CTNNA3: variants seen among roughly 807,000 people sequenced by gnomAD.
CTNNA3 encodes the protein catenin alpha-3.
CTNNA3 carries 76 observed loss-of-function variants against 95.7 expected under a neutral mutation model. That is an observed-to-expected ratio of 0.79 (90% CI 0.66 to 0.96). CTNNA3 has a LOEUF of 0.96. CTNNA3 is among the 40% of genes least tolerant of loss of function. The pLI, the probability that CTNNA3 is intolerant of heterozygous loss-of-function variation, is 0.00. For synonymous variants in CTNNA3, 431 were observed against 374.4 expected, an observed-to-expected ratio of 1.15 and a Z score of -1.74; for missense variants, 1,191 against 1,089.8, an observed-to-expected ratio of 1.09 and a Z score of -1.31.
rs1165436456 is a variant in CTNNA3, at chr10:65,915,648, A to G, written c.*4682T>C. 6.6e-6 allele frequency: 1 copy of G among 152,150 alleles called. No individual in the cohort carries two copies. Among genetic ancestry groups the G allele is most frequent in the Non-Finnish European group, 1.5e-5 (1 of 68,034 alleles). 9.4% of individuals were successfully genotyped at this position (152,150 alleles called of 1,614,324 possible). A position where few individuals can be genotyped will look rare whatever the true frequency, so the allele number is the denominator to read the frequency against. ...GAATAAAACTTATGGTCGGCCCCAC[A>G]GCCCATCTCTTGCCTGCGGATGGGA... is the stretch of plus-strand genomic sequence containing the variant. On this transcript the variant is annotated 3_prime_UTR_variant, in exon 18 of 18. Transcript: ENST00000433211.
intron 12 of CTNNA3, among the ~76,000 whole-genome samples, chr10:66,343,982 T>C (rs1173769564): frequency 6.6e-6 from 1 of 151,764 alleles, no homozygotes; most frequent in African/African-American, 2.4e-5. Flanking sequence ...ATCTGAGCAC[T>C]TTGGGAGGGT....
intron 11 of CTNNA3, among the ~76,000 whole-genome samples, chr10:66,383,318 A>T (rs1348809270): frequency 1.6e-4 from 25 of 152,230 alleles, no homozygotes; most frequent in Admixed American, 1.6e-3. Flanking sequence ...TCAATAGCAG[A>T]TTCGATCAAG....
At chr10:67,208,071 C>T (rs1165883006) in intron 6 of CTNNA3, among the ~76,000 whole-genome samples, 2 of 152,064 alleles carry the variant, frequency 1.3e-5, no homozygotes, top group Non-Finnish European at 2.9e-5. Context: ...AAATGTTTAT[C>T]ATAGCTATAA....
intron 7 of CTNNA3, among the ~76,000 whole-genome samples, chr10:67,169,871 C>T (rs1324658299): frequency 6.6e-6 from 1 of 152,014 alleles, no homozygotes; most frequent in East Asian, 1.9e-4. Context: ...ATGCATCTGA[C>T]AAAGGTCTGA....
intron 12 of CTNNA3, among the ~76,000 whole-genome samples, chr10:66,346,440 G>A (rs34451190): frequency 0.16 from 24,659 of 151,376 alleles, 2,266 homozygotes; most frequent in South Asian, 0.31. Context: ...CACCATGCTC[G>A]GCTAAGTTTT....
At chr10:66,443,653 C>G (rs1195482409) in intron 11 of CTNNA3, among the ~76,000 whole-genome samples, 2 of 151,540 alleles carry the variant, frequency 1.3e-5, no homozygotes, top group Non-Finnish European at 3.0e-5. Flanking sequence ...GAAAGGACAT[C>G]CACACCAAAA....
intron 15 of CTNNA3, among the ~76,000 whole-genome samples, chr10:66,024,142 T>G (rs2079287839): frequency 7.0e-6 from 1 of 143,490 alleles, no homozygotes; most frequent in Non-Finnish European, 1.5e-5. Flanking sequence ...CAGGCTGGAG[T>G]GCAGCGGCAC....
intron 1 of CTNNA3, among the ~76,000 whole-genome samples, chr10:67,712,497 C>T (rs539557700): frequency 5.3e-5 from 8 of 152,312 alleles, no homozygotes; most frequent in South Asian, 2.1e-4. Context: ...CTGTGTGCAG[C>T]CTAGGGACTT....
intron 1 of CTNNA3, among the ~76,000 whole-genome samples, chr10:67,704,861 T>C (rs1841068004): frequency 6.6e-6 from 1 of 151,486 alleles, no homozygotes; most frequent in African/African-American, 2.4e-5. Flanking sequence ...TGGGAGAAAA[T>C]TTTCGCAACC....
In CTNNA3 at chr10:67,063,571, A is replaced by G. The variant is rs149183051; in HGVS notation, c.1047+116746T>C. On this transcript the variant is annotated intron_variant, in intron 7 of 17. Coordinates refer to ENST00000433211, the MANE Select transcript of CTNNA3 (RefSeq NM_013266.4). ...CACTGTCAGATATGAAGTGGCTCCA[A>G]TGAAAGGTTGGGACCAGTGAATATC... is the stretch of plus-strand genomic sequence containing the variant. Among the ~76,000 whole-genome samples the G allele has an allele frequency of 1.8e-3, 269 of 152,354 alleles. 1 individual carries two copies. Among genetic ancestry groups the G allele is most frequent in the South Asian group, 6.2e-3 (30 of 4,824 alleles).
At chr10:66,176,357 T>C (rs1356855121) in intron 13 of CTNNA3, among the ~76,000 whole-genome samples, 2 of 152,146 alleles carry the variant, frequency 1.3e-5, no homozygotes, top group Non-Finnish European at 2.9e-5. Flanking sequence ...TCTGACCTTA[T>C]GTATTTGAAA....
intron 13 of CTNNA3, among the ~76,000 whole-genome samples, chr10:66,154,421 C>T (rs938114550): frequency 6.6e-6 from 1 of 151,608 alleles, no homozygotes; most frequent in Non-Finnish European, 1.5e-5. Context: ...TTATATAGCA[C>T]ATTCACAAAA....
At chr10:67,602,526 C>T (rs1257897797) in intron 3 of CTNNA3, among the ~76,000 whole-genome samples, 2 of 152,186 alleles carry the variant, frequency 1.3e-5, no homozygotes, top group Non-Finnish European at 2.9e-5. Context: ...GTTGTGTATA[C>T]AGCATATGAC....
At chr10:67,441,060 G>A (rs892749962) in intron 5 of CTNNA3, among the ~76,000 whole-genome samples, 2 of 151,528 alleles carry the variant, frequency 1.3e-5, no homozygotes, top group Non-Finnish European at 2.9e-5. Flanking sequence ...AGATAACATG[G>A]AGAAGGAATT....
intron 15 of CTNNA3, among the ~76,000 whole-genome samples, chr10:66,015,317 T>C (rs896165869): frequency 6.6e-6 from 1 of 152,108 alleles, no homozygotes; most frequent in Non-Finnish European, 1.5e-5. Flanking sequence ...GAAACCACTA[T>C]AGCAACAGAT....
At chr10:66,498,107 G>A (rs571199269) in intron 11 of CTNNA3, among the ~76,000 whole-genome samples, 1 of 152,050 alleles carries the variant, frequency 6.6e-6, no homozygotes, top group South Asian at 2.1e-4. Flanking sequence ...AAGTTTAGCT[G>A]CCTAACTCAT....
intron 6 of CTNNA3, among the ~76,000 whole-genome samples, chr10:67,208,899 A>G (rs1407244381): frequency 1.3e-5 from 2 of 152,218 alleles, no homozygotes; most frequent in African/African-American, 4.8e-5. Flanking sequence ...CAAGAATATC[A>G]ATATTAATAC....
chr10:67,615,657 C>CT (rs746378840), intron 2 of CTNNA3, among the ~76,000 whole-genome samples: 29,654 of 102,216 alleles, frequency 0.29, 6,199 homozygotes, highest in African/African-American at 0.56. Context: ...GGCAGGTATT[C>CT]TTTTTTTTTT....
At position 66,474,960 on chromosome 10, in the gene CTNNA3, G is replaced by A. The variant is rs561085074; in HGVS notation, c.1531+45657C>T. Among the ~76,000 whole-genome samples, 22 of 151,950 alleles carry A rather than the reference G, an allele frequency of 1.4e-4. No homozygotes were observed. In the South Asian group the frequency reaches 3.3e-3, roughly 23 times the overall value. ...TCAGTTGAGTTCCTTATATTTTCTG[G>A]ATATTAACCCCTTGTCACAAGTGCA... On this transcript the variant is annotated intron_variant, in intron 11 of 17. Transcript: ENST00000433211.
Sources: allele counts gnomAD v4.1 joint callset (sites outside exome capture counted in the v4.1 genomes callset), GRCh38; gene constraint gnomAD v4.1.1; transcripts MANE v1.5; gene names NCBI Gene and HGNC (gene_info 2026-07-23, HGNC 2026-07-21).